The following KCNMA1 variants were observed in gnomAD, a reference collection of about 807,000 sequenced individuals.
The protein encoded by KCNMA1 is potassium calcium-activated channel subfamily M alpha 1.
In KCNMA1, 29 loss-of-function variants were observed where a neutral mutation model predicts 140.0. That is an observed-to-expected ratio of 0.21 (90% CI 0.15 to 0.28). The LOEUF (loss-of-function observed/expected upper bound fraction) is 0.28, where lower values mean the gene tolerates loss of function less well. Among genes scored for constraint, KCNMA1 ranks in the 10% least tolerant of loss-of-function variants. KCNMA1 has a pLI of 1.00. For synonymous variants in KCNMA1, 612 were observed against 611.9 expected (o/e 1.00, Z 0.00); for missense variants, 880 against 1,602.2 (o/e 0.55, Z 7.70).
chr10:77,377,500 T>A lies in KCNMA1; in HGVS notation c.540+26362A>T, dbSNP rs144715169. 8.6e-3 allele frequency among the ~76,000 whole-genome samples: 1,301 copies of A among 152,046 alleles called. 9 individuals are homozygous for A. Among genetic ancestry groups the A allele is most frequent in the Non-Finnish European group, 0.013 (897 of 67,972 alleles). ...CTAGATGGGTCCCTCTGGGGTGTGG[T>A]GGAAATGACCTCAACTTCAAAGAGA... On this transcript the variant is annotated intron_variant, in intron 2 of 27. Transcript: ENST00000286628.
intron 23 of KCNMA1, among the ~76,000 whole-genome samples, chr10:76,919,715 G>C (rs773839259): frequency 6.6e-6 from 1 of 151,802 alleles, no homozygotes; most frequent in Non-Finnish European, 1.5e-5. Context: ...CTTCTTCATC[G>C]ATAAACCACA....
intron 3 of KCNMA1, among the ~76,000 whole-genome samples, chr10:77,236,561 A>T (rs1468265057): frequency 6.6e-6 from 1 of 152,254 alleles, no homozygotes; most frequent in Non-Finnish European, 1.5e-5. Flanking sequence ...TACTGCAACC[A>T]GCAAGTATGC....
intron 5 of KCNMA1, among the ~76,000 whole-genome samples, chr10:77,159,959 A>G (rs944726524): frequency 4.6e-5 from 7 of 152,236 alleles, no homozygotes; most frequent in African/African-American, 1.7e-4. Context: ...GACTTGACAC[A>G]GTGCCTAGAA....
intron 5 of KCNMA1, among the ~76,000 whole-genome samples, chr10:77,129,643 A>G (rs2097812780): frequency 1.3e-5 from 2 of 152,192 alleles, no homozygotes; most frequent in Admixed American, 6.5e-5. Flanking sequence ...AATAGGAGAA[A>G]GCTGATTTTT....
intron 19 of KCNMA1, among the ~76,000 whole-genome samples, chr10:76,987,734 C>G (rs966261898): frequency 2.0e-5 from 3 of 152,132 alleles, no homozygotes; most frequent in Admixed American, 2.0e-4. Flanking sequence ...TAAGACGCTT[C>G]TAGAGAATTG....
chr10:77,075,361 C>T (rs2096360869), intron 13 of KCNMA1, among the ~76,000 whole-genome samples: 1 of 152,190 alleles, frequency 6.6e-6, no homozygotes, highest in Non-Finnish European at 1.5e-5. Context: ...CATCTGAGAA[C>T]CTGAGAGGAA....
intron 1 of KCNMA1, among the ~76,000 whole-genome samples, chr10:77,459,531 A>G (rs2097821167): frequency 6.6e-6 from 1 of 152,240 alleles, no homozygotes; most frequent in Admixed American, 6.5e-5. Context: ...TGCCTCCAAG[A>G]ACTGTCTAGC....
intron 5 of KCNMA1, among the ~76,000 whole-genome samples, chr10:77,168,547 T>C (rs189595850): frequency 2.0e-5 from 3 of 152,302 alleles, no homozygotes; most frequent in African/African-American, 7.2e-5. Context: ...GTTTTGTGCA[T>C]CTAAACATAT....
intron 1 of KCNMA1, among the ~76,000 whole-genome samples, chr10:77,523,986 G>T (rs762848748): frequency 1.3e-5 from 2 of 152,180 alleles, no homozygotes; most frequent in Non-Finnish European, 2.9e-5. Context: ...AATGCTTGAG[G>T]AGATGAATAT....
intron 14 of KCNMA1, among the ~76,000 whole-genome samples, chr10:77,056,102 C>T (rs767936483): frequency 3.7e-4 from 57 of 152,272 alleles, no homozygotes; most frequent in African/African-American, 1.3e-3. Context: ...CCGATCAGGC[C>T]GGGCGCAGTG....
chr10:77,010,207 A>G (rs2090362434), intron 18 of KCNMA1, among the ~76,000 whole-genome samples: 1 of 151,828 alleles, frequency 6.6e-6, no homozygotes, highest in East Asian at 1.9e-4. Flanking sequence ...CACCTCTTGT[A>G]TTTGTTGTTC....
chr10:77,276,231 C>T (rs186720707), intron 2 of KCNMA1, among the ~76,000 whole-genome samples: 387 of 152,348 alleles, frequency 2.5e-3, no homozygotes, highest in Non-Finnish European at 4.5e-3. Context: ...GACCATCCTT[C>T]GTCTACCTTC....
intron 20 of KCNMA1, among the ~76,000 whole-genome samples, chr10:76,965,563 G>C (rs769795521): frequency 4.6e-5 from 7 of 152,066 alleles, no homozygotes; most frequent in Non-Finnish European, 7.4e-5. Context: ...TTCATGACTG[G>C]GTGCCAGAAT....
At position 77,449,644 on chromosome 10, in the gene KCNMA1, ATT is replaced by A. The variant is rs35728303; in HGVS notation, c.379-45623_379-45622del. On this transcript the variant is annotated intron_variant, in intron 1 of 27. Coordinates refer to ENST00000286628, the MANE Select transcript of KCNMA1 (RefSeq NM_001161352.2). ...TTTTCAATTTTTTTTTTAATTTTTAATTTTTTTTTTTTTTTTGAGACGGAGTC... is the reference window on the plus strand; with the variant it reads ...TTTTCAATTTTTTTTTTAATTTTTAATTTTTTTTTTTTTTGAGACGGAGTC... Among the ~76,000 whole-genome samples, 402 of 114,768 alleles carry A rather than the reference ATT, an allele frequency of 3.5e-3. 1 individual carries two copies. The highest frequency in any genetic ancestry group is 5.2e-3 in the Non-Finnish European group (286 of 54,688). The allele number at this position is 114,768 out of a possible 152,430, so 75.3% of individuals were successfully genotyped here. A position where few individuals can be genotyped will look rare whatever the true frequency, so the allele number is the denominator to read the frequency against.
chr10:77,164,595 C>G (rs2098613126), intron 5 of KCNMA1, among the ~76,000 whole-genome samples: 1 of 151,918 alleles, frequency 6.6e-6, no homozygotes, highest in Non-Finnish European at 1.5e-5. Flanking sequence ...CTTCCTAGCT[C>G]TTCCTCCTCT....
intron 5 of KCNMA1, among the ~76,000 whole-genome samples, chr10:77,158,196 G>C (rs1332915831): frequency 5.3e-5 from 8 of 152,148 alleles, no homozygotes; most frequent in Non-Finnish European, 1.2e-4. Flanking sequence ...TCTTCTTTGA[G>C]GCAAAAGAGC....
chr10:77,352,718 T>A (rs761805933), intron 2 of KCNMA1, among the ~76,000 whole-genome samples: 3 of 152,122 alleles, frequency 2.0e-5, no homozygotes, highest in Non-Finnish European at 4.4e-5. Flanking sequence ...GGCCAGGGTC[T>A]AAGGAATATG....
chr10:77,134,997 C>CAAAAAAAAATAAAAAAAAAAAAAA (rs2097963083), intron 5 of KCNMA1, among the ~76,000 whole-genome samples: 1 of 11,768 alleles, frequency 8.5e-5, no homozygotes, highest in African/African-American at 2.3e-4. Context: ...GACTCTGTCT[C>CAAAAAAAAATAAAAAAAAAAAAAA]AAAAAAAAAA....
chr10:76,907,410 G>A (rs1828893161), intron 25 of KCNMA1, among the ~76,000 whole-genome samples: 1 of 152,146 alleles, frequency 6.6e-6, no homozygotes, highest in Non-Finnish European at 1.5e-5. Context: ...TGCCCCTTTG[G>A]CTGTGTTGAA....
Sources: allele counts gnomAD v4.1 joint callset (sites outside exome capture counted in the v4.1 genomes callset), GRCh38; gene constraint gnomAD v4.1.1; transcripts MANE v1.5; gene names NCBI Gene and HGNC (gene_info 2026-07-23, HGNC 2026-07-21).